The following KIF26B variants were observed in gnomAD, a reference collection of about 807,000 sequenced individuals.
The protein encoded by KIF26B is kinesin-like protein KIF26B.
KIF26B carries 63 observed loss-of-function variants against 151.2 expected under a neutral mutation model. That is an observed-to-expected ratio of 0.42 (90% confidence interval 0.34 to 0.51). KIF26B has a LOEUF of 0.51. KIF26B is among the 20% of genes least tolerant of loss of function. The pLI is 0.07. For synonymous variants in KIF26B, 1,357 were observed against 1,262.1 expected (o/e 1.08, Z -1.59); for missense variants, 2,813 against 2,913.6 (o/e 0.97, Z 0.79).
chr1:245,507,695 G>C (rs1660751944), intron 4 of KIF26B, among the ~76,000 whole-genome samples: 1 of 152,172 alleles, frequency 6.6e-6, no homozygotes, highest in South Asian at 2.1e-4. Context: ...GTGAACATGA[G>C]AGACAGTGGA....
rs1388829677 is a variant in KIF26B, at chr1:245,218,648, T to C, written c.465+61965T>C. Among the ~76,000 whole-genome samples, 1 of 152,182 alleles carries C rather than the reference T, an allele frequency of 6.6e-6. No homozygotes were observed. The highest frequency in any genetic ancestry group is 1.5e-5 in the Non-Finnish European group (1 of 68,026). ...GTGTGCCGCATGGAATCGCCTAAGA[T>C]GGGACTGCCTTGGAACAAACAGTTT... On this transcript the variant is annotated intron_variant, in intron 2 of 14. Transcript: ENST00000407071. The surrounding 1 kb of genome is among the most constrained non-coding windows in gnomAD (Gnocchi z 4.1).
At chr1:245,534,786 CTTTT>C in intron 4 of KIF26B, among the ~76,000 whole-genome samples, 1 of 143,664 alleles carries the variant, frequency 7.0e-6, no homozygotes, top group African/African-American at 2.6e-5. Flanking sequence ...TTTACCTTTT[CTTTT>C]TTTTTTTTTT....
chr1:245,345,676 G>C (rs1237605055), intron 2 of KIF26B, among the ~76,000 whole-genome samples: 1 of 152,056 alleles, frequency 6.6e-6, no homozygotes, highest in Admixed American at 6.5e-5. Flanking sequence ...TGCTGTTCTC[G>C]TGATAGTGAG....
chr1:245,319,790 A>G (rs776996393), intron 2 of KIF26B, among the ~76,000 whole-genome samples: 4 of 152,188 alleles, frequency 2.6e-5, no homozygotes, highest in Non-Finnish European at 5.9e-5. Context: ...TTGGAGAAGA[A>G]GAGACTGTGC....
intron 4 of KIF26B, among the ~76,000 whole-genome samples, chr1:245,475,272 C>T (rs1223331941): frequency 6.6e-6 from 1 of 151,800 alleles, no homozygotes; most frequent in Non-Finnish European, 1.5e-5. Flanking sequence ...GCCTCCTTGC[C>T]ACTGAATCGG....
At chr1:245,482,988 G>C (rs1043925510) in intron 4 of KIF26B, among the ~76,000 whole-genome samples, 12 of 151,702 alleles carry the variant, frequency 7.9e-5, no homozygotes, top group African/African-American at 2.9e-4. Flanking sequence ...GTTGGAAAAA[G>C]CTTCCCCTTC....
At chr1:245,251,466 A>C (rs1245832834) in intron 2 of KIF26B, among the ~76,000 whole-genome samples, 1 of 152,204 alleles carries the variant, frequency 6.6e-6, no homozygotes, top group Non-Finnish European at 1.5e-5. Context: ...TCAACGCTTT[A>C]TAATTTTAAT....
At chr1:245,655,626 T>C (rs1424970875) in intron 10 of KIF26B, among the ~76,000 whole-genome samples, 1 of 152,180 alleles carries the variant, frequency 6.6e-6, no homozygotes, top group Non-Finnish European at 1.5e-5. Context: ...AGAATGAGCC[T>C]GGGGTGGGGG....
intron 2 of KIF26B, among the ~76,000 whole-genome samples, chr1:245,235,930 A>AT (rs35318362): frequency 8.5e-5 from 10 of 118,316 alleles, no homozygotes; most frequent in African/African-American, 1.6e-4. Context: ...TGCATCACTT[A>AT]TTTTTTTTTT....
At chr1:245,521,264 G>T (rs778809059) in intron 4 of KIF26B, among the ~76,000 whole-genome samples, 84 of 151,942 alleles carry the variant, frequency 5.5e-4, no homozygotes, top group Non-Finnish European at 8.1e-4. Context: ...GTGAACCCGG[G>T]AGGCGGAGCT....
chr1:245,571,660 G>A (rs544021644), intron 5 of KIF26B, among the ~76,000 whole-genome samples: 5 of 152,354 alleles, frequency 3.3e-5, no homozygotes, highest in Non-Finnish European at 4.4e-5. Flanking sequence ...CAGGAGGGGA[G>A]TCATCCTAAC....
intron 4 of KIF26B, among the ~76,000 whole-genome samples, chr1:245,440,643 A>G (rs554826599): frequency 6.6e-6 from 1 of 152,348 alleles, no homozygotes; most frequent in East Asian, 1.9e-4. Context: ...AAGAGATGGA[A>G]TTCTCAGCTA....
chr1:245,593,652 A>G (rs1195965908), intron 5 of KIF26B, among the ~76,000 whole-genome samples: 4 of 152,296 alleles, frequency 2.6e-5, no homozygotes, highest in African/African-American at 9.6e-5. Context: ...GTGTCTTTAT[A>G]GTAGAATGAT....
At chr1:245,192,547 G>A (rs539326815) in intron 2 of KIF26B, among the ~76,000 whole-genome samples, 17 of 152,276 alleles carry the variant, frequency 1.1e-4, no homozygotes, top group African/African-American at 3.6e-4. Context: ...AATAAACTAA[G>A]TTACATAGTT....
At position 245,688,905 on chromosome 1, in the gene KIF26B, C is replaced by T. The variant is rs577902378; in HGVS notation, c.5824+98C>T. ...GGTGTCCCGTGCCCTGGGGAGGGGG[C>T]GTCCAGGCCTGGCCTCTCCTTGCAG... On this transcript the variant is annotated intron_variant, in intron 12 of 14. Transcript: ENST00000407071. 2.1e-4 allele frequency: 288 copies of T among 1,394,398 alleles called. 2 individuals carry two copies. The highest frequency in any genetic ancestry group is 1.8e-3 in the Middle Eastern group (7 of 3,854). The allele number at this position is 1,394,398 out of a possible 1,614,324, so 86.4% of individuals were successfully genotyped here.
Position 245,223,646 on chromosome 1 carries a change from G to A in KIF26B, c.465+66963G>A, listed in dbSNP as rs181517054. On this transcript the variant is annotated intron_variant, in intron 2 of 14. Transcript: ENST00000407071. Reference sequence around the variant, plus strand: ...TGGAATAACAACAGATGCACGCTTTGTCTGAGACTTCTTTCACTCCATAGC... The same window carrying A: ...TGGAATAACAACAGATGCACGCTTTATCTGAGACTTCTTTCACTCCATAGC... Among the ~76,000 whole-genome samples the A allele has an allele frequency of 2.6e-5, 4 of 152,292 alleles. No individual in the cohort carries two copies. In the East Asian group the frequency reaches 5.8e-4, roughly 22 times the overall value.
At chr1:245,567,783 G>A (rs900247512) in intron 5 of KIF26B, among the ~76,000 whole-genome samples, 32 of 152,174 alleles carry the variant, frequency 2.1e-4, no homozygotes, top group African/African-American at 7.7e-4. Context: ...AGTACTAACA[G>A]TGCAAGTAGA....
chr1:245,342,004 C>T (rs537607906), intron 2 of KIF26B, among the ~76,000 whole-genome samples: 4 of 152,242 alleles, frequency 2.6e-5, no homozygotes, highest in Non-Finnish European at 5.9e-5. Context: ...TCTCAGACCA[C>T]ATACCAAGTT....
At chr1:245,211,096 C>A (rs933408978) in intron 2 of KIF26B, among the ~76,000 whole-genome samples, 1 of 152,240 alleles carries the variant, frequency 6.6e-6, no homozygotes, top group Non-Finnish European at 1.5e-5. Context: ...TGGGCCTGAA[C>A]GGGAGAGACT....
Sources: allele counts gnomAD v4.1 joint callset (sites outside exome capture counted in the v4.1 genomes callset), GRCh38; gene constraint gnomAD v4.1.1; non-coding constraint Gnocchi (gnomAD v3.1); transcripts MANE v1.5; gene names NCBI Gene and HGNC (gene_info 2026-07-23, HGNC 2026-07-21).